Variants in CBFA2T2 observed in about 807,000 individuals in gnomAD.
CBFA2T2 encodes the protein CBFA2/RUNX1 partner transcriptional co-repressor 2.
In CBFA2T2, 11 loss-of-function variants were observed where a neutral mutation model predicts 62.2. The observed-to-expected ratio is 0.18, with a 90% CI of 0.11 to 0.29. CBFA2T2 has a LOEUF of 0.29. CBFA2T2 is among the 10% of genes least tolerant of loss of function. The probability of loss-of-function intolerance (pLI) is 1.00; values close to 1 mark genes in which losing one functional copy is unlikely to be tolerated. For synonymous variants in CBFA2T2, 295 were observed against 287.5 expected (o/e 1.03, Z -0.27); for missense variants, 592 against 774.1 (o/e 0.76, Z 2.79).
chr20:33,499,911 CT>C (rs762935459), intron 1 of CBFA2T2, among the ~76,000 whole-genome samples: 2 of 152,132 alleles, frequency 1.3e-5, no homozygotes, highest in African/African-American at 2.4e-5. Flanking sequence ...CTAGTTTAAT[CT>C]TGGTGTCAAG....
At chr20:33,604,345 T>G (rs909996862) in intron 1 of CBFA2T2, among the ~76,000 whole-genome samples, 2 of 152,190 alleles carry the variant, frequency 1.3e-5, no homozygotes, top group African/African-American at 4.8e-5. Context: ...CAGGTAGGTC[T>G]TACTGTCACT....
chr20:33,536,307 C>G (rs2012230570), intron 1 of CBFA2T2, among the ~76,000 whole-genome samples: 1 of 144,604 alleles, frequency 6.9e-6, no homozygotes, highest in Admixed American at 6.9e-5. Flanking sequence ...GGCTGACCCC[C>G]CCCACCTCCC....
Position 33,644,799 on chromosome 20 carries a change from A to C in CBFA2T2, c.*153A>C. 9.2e-6 allele frequency: 7 copies of C among 763,436 alleles called. No homozygotes were observed. Among genetic ancestry groups the C allele is most frequent in the Non-Finnish European group, 1.0e-5 (5 of 484,454 alleles). The allele number at this position is 763,436 out of a possible 1,614,324, so 47.3% of individuals were successfully genotyped here. ...GTCCAAGCCTGAATAATAACACCCC[A>C]CAGCCTCTCTGTGCACTTGCTGTCT... On this transcript the variant is annotated 3_prime_UTR_variant, in exon 11 of 11. Coordinates refer to ENST00000342704, the MANE Select transcript of CBFA2T2 (RefSeq NM_001032999.3).
At chr20:33,633,276 G>A (rs932764610) in intron 8 of CBFA2T2, among the ~76,000 whole-genome samples, 48 of 151,976 alleles carry the variant, frequency 3.2e-4, no homozygotes, top group African/African-American at 1.1e-3. Context: ...GGAGGCTGAG[G>A]CACGAGAATC....
chr20:33,592,235 C>T (rs552990262), intron 1 of CBFA2T2, among the ~76,000 whole-genome samples: 20 of 151,816 alleles, frequency 1.3e-4, no homozygotes, highest in Middle Eastern at 3.4e-3. Context: ...TCGTGGCACG[C>T]GTCTGTAATC....
intron 1 of CBFA2T2, among the ~76,000 whole-genome samples, chr20:33,511,203 C>T (rs1280210693): frequency 6.6e-6 from 1 of 152,102 alleles, no homozygotes; most frequent in East Asian, 1.9e-4. Flanking sequence ...GTCATGAAGT[C>T]CTTGCCCATA....
intron 8 of CBFA2T2, among the ~76,000 whole-genome samples, chr20:33,633,882 G>T (rs1403766616): frequency 6.6e-6 from 1 of 152,114 alleles, no homozygotes; most frequent in Non-Finnish European, 1.5e-5. Flanking sequence ...ATGTTAAATT[G>T]TATATTAATA....
intron 1 of CBFA2T2, among the ~76,000 whole-genome samples, chr20:33,544,099 G>A (rs779902353): frequency 1.6e-4 from 25 of 152,166 alleles, no homozygotes; most frequent in Non-Finnish European, 1.8e-4. Context: ...ATTTAGTCAG[G>A]TCATGTCAAT....
At position 33,644,474 on chromosome 20, in the gene CBFA2T2, A is replaced by G. The variant is rs2016978465; in HGVS notation, c.1616A>G (p.His539Arg). ...CACCGCCTCTGTGGTCAGAACCTGC[A>G]TGGCCAGAGCCCCCACGGCCAGGGC... ...RHHRLCGQNLHGQSPHGQGRP... is the reference protein window; with the variant it reads ...RHHRLCGQNLRGQSPHGQGRP... The change falls in exon 11 of 11, where the codon CAT (histidine) becomes CGT (arginine). Residue 539 changes from histidine to arginine, a missense_variant. This residue lies in a region of CBFA2T2 where 85 missense variants were observed against 99.0 expected (regional missense o/e 0.86). Coordinates refer to ENST00000342704, the MANE Select transcript of CBFA2T2 (RefSeq NM_001032999.3). The G allele has an allele frequency of 1.2e-6, 2 of 1,614,232 alleles. No individual in the cohort carries two copies. The highest frequency in any genetic ancestry group is 1.7e-5 in the Admixed American group (1 of 60,032).
intron 1 of CBFA2T2, among the ~76,000 whole-genome samples, chr20:33,584,987 A>T (rs7268747): frequency 0.12 from 18,664 of 152,140 alleles, 3,184 homozygotes; most frequent in African/African-American, 0.37. Context: ...TCATCTCTGC[A>T]GCTCAGATGG....
intron 3 of CBFA2T2, among the ~76,000 whole-genome samples, chr20:33,614,114 C>T (rs1012216818): frequency 9.8e-6 from 1 of 102,402 alleles, no homozygotes; most frequent in Non-Finnish European, 2.1e-5. Flanking sequence ...GACTCCGTCT[C>T]AAAAAAAAAA....
At chr20:33,567,461 T>C (rs551820016) in intron 1 of CBFA2T2, among the ~76,000 whole-genome samples, 1 of 152,352 alleles carries the variant, frequency 6.6e-6, no homozygotes, top group East Asian at 1.9e-4. Context: ...TACAGTACGC[T>C]AAGACATTCT....
At chr20:33,598,486 A>C (rs532898527) in intron 1 of CBFA2T2, among the ~76,000 whole-genome samples, 2 of 152,338 alleles carry the variant, frequency 1.3e-5, no homozygotes, top group South Asian at 4.1e-4. Flanking sequence ...TGCCTGGCTC[A>C]TCAGCGGTCA....
chr20:33,575,624 T>C (rs1040548), intron 1 of CBFA2T2, among the ~76,000 whole-genome samples: 151,492 of 151,848 alleles, frequency 1, 75,568 homozygotes, highest in Middle Eastern at 1. Flanking sequence ...TTTTTTTCCT[T>C]TTTCGCTAGA....
At chr20:33,577,832 T>G (rs1244484154) in intron 1 of CBFA2T2, among the ~76,000 whole-genome samples, 1 of 152,214 alleles carries the variant, frequency 6.6e-6, no homozygotes, top group East Asian at 1.9e-4. Context: ...CCTTCTACTG[T>G]CTTAGTGTCA....
At chr20:33,588,675 G>A (rs2014482804) in intron 1 of CBFA2T2, among the ~76,000 whole-genome samples, 7 of 152,242 alleles carry the variant, frequency 4.6e-5, no homozygotes, top group Admixed American at 4.6e-4. Context: ...GGCTGGGCAT[G>A]GTGGCTCACG....
chr20:33,613,693 C>T (rs1222361622), intron 3 of CBFA2T2, among the ~76,000 whole-genome samples: 3 of 152,168 alleles, frequency 2.0e-5, no homozygotes, highest in Non-Finnish European at 4.4e-5. Flanking sequence ...ACTCTACACA[C>T]GGCCACCCTT....
chr20:33,490,801 C>T (rs377063070), intron 1 of CBFA2T2, among the ~76,000 whole-genome samples: 3 of 152,294 alleles, frequency 2.0e-5, no homozygotes, highest in African/African-American at 4.8e-5. Context: ...CCTCAGTTCC[C>T]CCATCTGCAA....
intron 1 of CBFA2T2, among the ~76,000 whole-genome samples, chr20:33,574,984 G>A (rs2013754654): frequency 6.6e-6 from 1 of 152,146 alleles, no homozygotes; most frequent in Non-Finnish European, 1.5e-5. Flanking sequence ...AATAGGCTTT[G>A]GTACTGTATG....
Sources: gnomAD v4.1 joint callset for allele counts (sites outside exome capture counted in the v4.1 genomes callset) on GRCh38, gnomAD v4.1.1 for gene constraint, gnomAD v4.1.1 regional missense constraint, MANE v1.5 for transcripts, NCBI Gene and HGNC (gene_info 2026-07-23, HGNC 2026-07-21) for gene names.